Variants in SMAD2 observed in about 807,000 individuals in gnomAD.
SMAD2 encodes the protein SMAD family member 2, also known as MAD homolog 2.
SMAD2 carries 8 observed loss-of-function variants against 64.4 expected under a neutral mutation model. The ratio of observed to expected loss-of-function variants is 0.12; its 90% CI spans 0.07 to 0.22. The LOEUF (loss-of-function observed/expected upper bound fraction) is 0.22. Ranked by LOEUF, SMAD2 falls within the 10% of genes least tolerant of loss-of-function variation. SMAD2 has a pLI of 1.00. For missense variants in SMAD2, 289 were observed against 561.2 expected (o/e 0.51, Z 4.90); for synonymous variants, 203 against 195.8 (o/e 1.04, Z -0.31).
chr18:47,809,147 G>C lies in SMAD2; in HGVS notation c.*32680C>G, dbSNP rs1183135457. 1 of 152,364 alleles carries C rather than the reference G, an allele frequency of 6.6e-6. No homozygotes were observed. The highest frequency in any genetic ancestry group is 1.5e-5 in the Non-Finnish European group (1 of 68,150). 9.4% of individuals were successfully genotyped at this position (152,364 alleles called of 1,614,324 possible). The stretch of plus-strand genomic sequence containing the variant: ...ACAGAAACAAGGCTGTCCTCCTCGG[G>C]CATCTCTGGGGAGGTGGAGGTCAAA... On this transcript the variant is annotated 3_prime_UTR_variant, in exon 11 of 11. Transcript: ENST00000262160.
Position 47,818,881 on chromosome 18 carries a change from A to C in SMAD2, c.*22946T>G, listed in dbSNP as rs1283689673. 1 of 152,246 alleles carries C rather than the reference A, an allele frequency of 6.6e-6. No individual in the cohort carries two copies. Among genetic ancestry groups the C allele is most frequent in the East Asian group, 1.9e-4 (1 of 5,208 alleles). The allele number at this position is 152,246 out of a possible 1,614,324, so 9.4% of individuals were successfully genotyped here. Reference sequence around the variant, plus strand: ...GAGCAGGTCCCACTTTCTCAGAAATATAATTTGAATCCAATAACTGTCTTT... The same window carrying C: ...GAGCAGGTCCCACTTTCTCAGAAATCTAATTTGAATCCAATAACTGTCTTT... On this transcript the variant is annotated 3_prime_UTR_variant, in exon 11 of 11. Transcript: ENST00000262160.
At chr18:47,868,158 TAGGC>T (rs2031701068) in intron 5 of SMAD2, 161 bp downstream of exon 5, 1 of 649,266 alleles carries the variant, frequency 1.5e-6, no homozygotes, top group Non-Finnish European at 2.7e-6. Context: ...TTTAATGTAC[TAGGC>T]TTATACATTT....
At chr18:47,877,718 T>G (rs1481439931) in intron 2 of SMAD2, among the ~76,000 whole-genome samples, 2 of 152,196 alleles carry the variant, frequency 1.3e-5, no homozygotes, top group African/African-American at 4.8e-5. Flanking sequence ...TTGCAAAATG[T>G]AGACAATCCT....
intron 2 of SMAD2, among the ~76,000 whole-genome samples, chr18:47,881,381 A>G (rs926114482): frequency 1.3e-5 from 2 of 151,884 alleles, no homozygotes; most frequent in Non-Finnish European, 2.9e-5. Flanking sequence ...TTTTCTTAAC[A>G]CCCCTATTTG....
At position 47,832,267 on chromosome 18, in the gene SMAD2, T is replaced by A. The variant is rs1203662405; in HGVS notation, c.*9560A>T. 6.6e-6 allele frequency: 1 copy of A among 152,186 alleles called. No homozygotes were observed. Among genetic ancestry groups the A allele is most frequent in the Non-Finnish European group, 1.5e-5 (1 of 68,028 alleles). 9.4% of individuals were successfully genotyped at this position (152,186 alleles called of 1,614,324 possible). A position where few individuals can be genotyped will look rare whatever the true frequency, so the allele number is the denominator to read the frequency against. Reference sequence around the variant, plus strand: ...AGTGTCACTACTTCAAGCTAAGCAGTGACAGGCAAAGCCAGGCTGAGGTGA... The same window carrying A: ...AGTGTCACTACTTCAAGCTAAGCAGAGACAGGCAAAGCCAGGCTGAGGTGA... On this transcript the variant is annotated 3_prime_UTR_variant, in exon 11 of 11. Transcript: ENST00000262160.
chr18:47,905,689 A>G (rs1189404981), intron 1 of SMAD2, among the ~76,000 whole-genome samples: 1 of 152,230 alleles, frequency 6.6e-6, no homozygotes, highest in Non-Finnish European at 1.5e-5. Context: ...CTTTTCAACA[A>G]CATGGAAAAT....
chr18:47,845,841 C>T (rs2144291427), intron 8 of SMAD2, 41 bp from the exon 9 acceptor site: 2 of 1,579,624 alleles, frequency 1.3e-6, no homozygotes, highest in Non-Finnish European at 1.7e-6. Context: ...GTAACATTTA[C>T]TATTTCAGTG....
At chr18:47,887,975 G>A (rs9952878) in intron 2 of SMAD2, among the ~76,000 whole-genome samples, 2,276 of 152,216 alleles carry the variant, frequency 0.015, 65 homozygotes, top group African/African-American at 0.052. Context: ...CTGTAGCAAT[G>A]CTTGACTCAG....
At chr18:47,902,282 C>T (rs1487432242) in intron 1 of SMAD2, among the ~76,000 whole-genome samples, 1 of 152,142 alleles carries the variant, frequency 6.6e-6, no homozygotes, top group East Asian at 1.9e-4. Context: ...CATTTTTACA[C>T]CCATTGTTCT....
intron 6 of SMAD2, among the ~76,000 whole-genome samples, chr18:47,854,572 G>C (rs2030484058): frequency 6.6e-6 from 1 of 151,260 alleles, no homozygotes; most frequent in African/African-American, 2.4e-5. Flanking sequence ...TTTTCTTCTT[G>C]ATTTGTAAGT....
At position 47,831,246 on chromosome 18, in the gene SMAD2, A is replaced by C. The variant is rs771288676; in HGVS notation, c.*10581T>G. 6.6e-6 allele frequency: 1 copy of C among 152,154 alleles called. No individual in the cohort carries two copies. The highest frequency in any genetic ancestry group is 1.5e-5 in the Non-Finnish European group (1 of 68,034). The allele number at this position is 152,154 out of a possible 1,614,324, so 9.4% of individuals were successfully genotyped here. ...ACCATATAAGCAGTAGCTCAATAAC[A>C]CCGTCCAGTTTTCATGTATATCCAG... On this transcript the variant is annotated 3_prime_UTR_variant, in exon 11 of 11. Coordinates refer to ENST00000262160, the MANE Select transcript of SMAD2 (RefSeq NM_005901.6).
At chr18:47,910,171 GAA>G (rs34177639) in intron 1 of SMAD2, among the ~76,000 whole-genome samples, 5,220 of 141,228 alleles carry the variant, frequency 0.037, 137 homozygotes, top group African/African-American at 0.08. Flanking sequence ...TGTGGATATG[GAA>G]AAAAAAAAAA....
chr18:47,929,481 G>A (rs951925058), intron 1 of SMAD2, among the ~76,000 whole-genome samples: 4 of 152,094 alleles, frequency 2.6e-5, no homozygotes, highest in African/African-American at 9.7e-5. Flanking sequence ...TTTTACACAT[G>A]TCGTTTTAAA....
chr18:47,898,760 G>C (rs1359772160), intron 1 of SMAD2, among the ~76,000 whole-genome samples: 2 of 152,112 alleles, frequency 1.3e-5, no homozygotes, highest in Admixed American at 1.3e-4. Flanking sequence ...GAAATTGCAA[G>C]GGGGATTACA....
chr18:47,831,498 G>A lies in SMAD2; in HGVS notation c.*10329C>T, dbSNP rs1240547063. On this transcript the variant is annotated 3_prime_UTR_variant, in exon 11 of 11. Transcript: ENST00000262160. The stretch of plus-strand genomic sequence containing the variant: ...TTTATTTTCACATAACATTTAGAAA[G>A]GTGCAGAGGCAGCCAACAAAACTAT... 12 of 152,180 alleles carry A rather than the reference G, an allele frequency of 7.9e-5. No homozygotes were observed. Among genetic ancestry groups the A allele is most frequent in the Admixed American group, 7.9e-4 (12 of 15,280 alleles). 9.4% of individuals were successfully genotyped at this position (152,180 alleles called of 1,614,324 possible).
intron 6 of SMAD2, among the ~76,000 whole-genome samples, chr18:47,854,387 CCT>C (rs2030460163): frequency 6.6e-6 from 1 of 151,740 alleles, no homozygotes; most frequent in South Asian, 2.1e-4. Flanking sequence ...GCCAAAATAC[CCT>C]CTCAAAAATG....
intron 1 of SMAD2, among the ~76,000 whole-genome samples, chr18:47,927,198 T>A (rs1393482467): frequency 6.6e-6 from 1 of 152,220 alleles, no homozygotes; most frequent in Non-Finnish European, 1.5e-5. Context: ...TCTACAAGTG[T>A]ACATCTGTTC....
chr18:47,927,405 T>C (rs1346682113), intron 1 of SMAD2, among the ~76,000 whole-genome samples: 1 of 152,194 alleles, frequency 6.6e-6, no homozygotes, highest in Non-Finnish European at 1.5e-5. Flanking sequence ...CAGTAATGCA[T>C]GTGCCCTTGA....
chr18:47,822,325 A>G lies in SMAD2; in HGVS notation c.*19502T>C, dbSNP rs376540598. On this transcript the variant is annotated 3_prime_UTR_variant, in exon 11 of 11. Coordinates refer to ENST00000262160, the MANE Select transcript of SMAD2 (RefSeq NM_005901.6). ...TTTTTCTCTAAAAGCATTTGCAATC[A>G]GATTCATGGAAAAGATGCTAACACA... is the stretch of plus-strand genomic sequence containing the variant. 29 of 152,326 alleles carry G rather than the reference A, an allele frequency of 1.9e-4. No homozygotes were observed. In the East Asian group the frequency reaches 4.4e-3, roughly 23 times the overall value. 9.4% of individuals were successfully genotyped at this position (152,326 alleles called of 1,614,324 possible). A position where few individuals can be genotyped will look rare whatever the true frequency, so the allele number is the denominator to read the frequency against.
Sources: allele counts gnomAD v4.1 joint callset (sites outside exome capture counted in the v4.1 genomes callset), GRCh38; gene constraint gnomAD v4.1.1; transcripts MANE v1.5; gene names NCBI Gene and HGNC (gene_info 2026-07-23, HGNC 2026-07-21).